HIVEP2: variants seen among roughly 807,000 people sequenced by gnomAD.
The protein encoded by HIVEP2 is transcription factor HIVEP2.
Under a neutral mutation model 180.7 loss-of-function variants are expected in HIVEP2, and 14 were observed. That is an observed-to-expected ratio of 0.08 (90% CI 0.05 to 0.12). The LOEUF (loss-of-function observed/expected upper bound fraction) is 0.12, where lower values mean the gene tolerates loss of function less well. Ranked by LOEUF, HIVEP2 falls within the 10% of genes least tolerant of loss-of-function variation. The pLI is 1.00. For synonymous variants in HIVEP2, 1,184 were observed against 1,136.4 expected, an observed-to-expected ratio of 1.04 and a Z score of -0.84; for missense variants, 2,579 against 3,008.5, an observed-to-expected ratio of 0.86 and a Z score of 3.34.
intron 3 of HIVEP2, among the ~76,000 whole-genome samples, chr6:142,780,735 G>A (rs1318903680): frequency 2.0e-5 from 3 of 152,078 alleles, no homozygotes; most frequent in Non-Finnish European, 4.4e-5. Context: ...AAACAAGCAG[G>A]ATTTGGGAGG....
chr6:142,850,767 G>C (rs537430465), intron 1 of HIVEP2, among the ~76,000 whole-genome samples: 1 of 152,182 alleles, frequency 6.6e-6, no homozygotes, highest in Admixed American at 6.5e-5. Flanking sequence ...TTCTGAAGAA[G>C]CACCCTGAAA....
chr6:142,772,569 T>C lies in HIVEP2; in HGVS notation c.2170A>G (p.Met724Val), dbSNP rs757602592. The change falls in exon 5 of 10, where the codon ATG becomes GTG. Residue 724 changes from methionine (M) to valine (V), a missense_variant. Coordinates refer to ENST00000367603, the MANE Select transcript of HIVEP2 (RefSeq NM_006734.4). This position sits in a 1 kb window ranked among gnomAD's most constrained non-coding sequence, Gnocchi z 4.9. ...SSIVSTPVGI[M>V]ASDYDPKLQM... ...AGTTTGGGGTCATAATCGGAAGCCATGATGCCCACAGGAGTGCTTACAATG... is the reference window on the plus strand; with the variant it reads ...AGTTTGGGGTCATAATCGGAAGCCACGATGCCCACAGGAGTGCTTACAATG... 5 of 1,614,214 alleles carry C rather than the reference T, an allele frequency of 3.1e-6. No homozygotes were observed. The South Asian group carries it at 3.3e-5, about 11-fold the overall frequency.
chr6:142,818,005 CA>C lies in HIVEP2; in HGVS notation c.-528+18929del, dbSNP rs199991919. Among the ~76,000 whole-genome samples the C allele has an allele frequency of 4.9e-3, 613 of 124,260 alleles. 3 individuals are homozygous for C. The highest frequency in any genetic ancestry group is 8.3e-3 in the Middle Eastern group (2 of 242). 81.5% of individuals were successfully genotyped at this position (124,260 alleles called of 152,430 possible). Reference sequence around the variant, plus strand: ...TGGTCAACAGAGTGAGACTCTGTCTCAAAAAAAAAAAAAACAAGTAAAATAA... The same window carrying C: ...TGGTCAACAGAGTGAGACTCTGTCTCAAAAAAAAAAAAACAAGTAAAATAA... On this transcript the variant is annotated intron_variant, in intron 2 of 9. Coordinates refer to ENST00000367603, the MANE Select transcript of HIVEP2 (RefSeq NM_006734.4).
intron 1 of HIVEP2, among the ~76,000 whole-genome samples, chr6:142,926,499 G>C (rs757663930): frequency 1.8e-4 from 27 of 152,240 alleles, no homozygotes; most frequent in Admixed American, 3.9e-4. Context: ...TTTCCTGTGA[G>C]GGCTTTGTGA....
chr6:142,895,289 A>G (rs1776959000), intron 1 of HIVEP2, among the ~76,000 whole-genome samples: 2 of 152,136 alleles, frequency 1.3e-5, no homozygotes, highest in African/African-American at 4.8e-5. Context: ...AACAATAAAA[A>G]TCTGGTAGAA....
intron 1 of HIVEP2, among the ~76,000 whole-genome samples, chr6:142,916,131 C>A (rs371938951): frequency 6.6e-6 from 1 of 152,196 alleles, no homozygotes; most frequent in South Asian, 2.1e-4. Flanking sequence ...TCCACCTCTA[C>A]CTCTTTAATT....
chr6:142,785,612 G>C (rs1437778967), intron 2 of HIVEP2, among the ~76,000 whole-genome samples: 1 of 152,150 alleles, frequency 6.6e-6, no homozygotes, highest in Non-Finnish European at 1.5e-5. Context: ...GCAAAACAGA[G>C]CACGTGAGTG....
chr6:142,796,510 T>A (rs1776282200), intron 2 of HIVEP2, among the ~76,000 whole-genome samples: 1 of 152,146 alleles, frequency 6.6e-6, no homozygotes, highest in Admixed American at 6.6e-5. Flanking sequence ...AAAATAAATT[T>A]ACTGTACTGT....
intron 7 of HIVEP2, among the ~76,000 whole-genome samples, chr6:142,763,218 T>G (rs183994976): frequency 5.3e-5 from 8 of 152,264 alleles, no homozygotes; most frequent in Admixed American, 1.3e-4. Flanking sequence ...GTTAAAGTCA[T>G]GAGCTGCAGA....
At chr6:142,816,263 T>C (rs1028737593) in intron 2 of HIVEP2, among the ~76,000 whole-genome samples, 1 of 152,320 alleles carries the variant, frequency 6.6e-6, no homozygotes, top group Middle Eastern at 3.4e-3. Context: ...GGAATGGTCA[T>C]GCATCTCACG....
At chr6:142,768,302 T>C in intron 6 of HIVEP2, 80 bp downstream of exon 6, 5 of 1,332,104 alleles carry the variant, frequency 3.8e-6, no homozygotes, top group Non-Finnish European at 5.2e-6. Flanking sequence ...GATTAGACAG[T>C]ACCTTTTCCA....
At chr6:142,927,071 G>T (rs1254662992) in intron 1 of HIVEP2, among the ~76,000 whole-genome samples, 1 of 151,618 alleles carries the variant, frequency 6.6e-6, no homozygotes, top group Non-Finnish European at 1.5e-5. Flanking sequence ...CGGCGCCTCC[G>T]TCCCCGGCCG....
chr6:142,768,042 T>G (rs1423049742), intron 6 of HIVEP2, among the ~76,000 whole-genome samples: 1 of 152,176 alleles, frequency 6.6e-6, no homozygotes, highest in Admixed American at 6.5e-5. Flanking sequence ...AATATGTCCG[T>G]CAATAAAACA....
chr6:142,834,045 T>C (rs1171315351), intron 2 of HIVEP2, among the ~76,000 whole-genome samples: 1 of 152,222 alleles, frequency 6.6e-6, no homozygotes, highest in Non-Finnish European at 1.5e-5. Flanking sequence ...TGATCTGTGA[T>C]AGCAGAAGTT....
At chr6:142,820,865 C>A (rs1777014961) in intron 2 of HIVEP2, among the ~76,000 whole-genome samples, 1 of 152,156 alleles carries the variant, frequency 6.6e-6, no homozygotes, top group Non-Finnish European at 1.5e-5. Context: ...CTAGTTATAG[C>A]AAGCTTAGCT....
At chr6:142,936,768 T>A (rs1330851786) in intron 1 of HIVEP2, among the ~76,000 whole-genome samples, 10 of 151,954 alleles carry the variant, frequency 6.6e-5, no homozygotes. Context: ...GTGACTGAAT[T>A]AGCCATAAAA....
intron 2 of HIVEP2, among the ~76,000 whole-genome samples, chr6:142,809,765 T>G (rs192211751): frequency 2.2e-4 from 33 of 152,234 alleles, no homozygotes; most frequent in African/African-American, 7.7e-4. Context: ...TGCTAATTTT[T>G]TGTATTTTTA....
chr6:142,819,783 C>A (rs1776978170), intron 2 of HIVEP2, among the ~76,000 whole-genome samples: 1 of 152,114 alleles, frequency 6.6e-6, no homozygotes, highest in Non-Finnish European at 1.5e-5. Context: ...ACTGAACTAC[C>A]TTCAGCTTGA....
At chr6:142,795,224 T>C (rs1055910780) in intron 2 of HIVEP2, among the ~76,000 whole-genome samples, 5 of 152,160 alleles carry the variant, frequency 3.3e-5, no homozygotes, top group African/African-American at 1.2e-4. Flanking sequence ...TTGAAAGCAG[T>C]TTGCCAAAAT....
Sources: gnomAD v4.1 joint callset for allele counts (sites outside exome capture counted in the v4.1 genomes callset) on GRCh38, gnomAD v4.1.1 for gene constraint, Gnocchi (gnomAD v3.1) non-coding constraint, MANE v1.5 for transcripts, NCBI Gene and HGNC (gene_info 2026-07-23, HGNC 2026-07-21) for gene names.